Variants in ASAP2 observed in about 807,000 individuals in gnomAD.
ASAP2 encodes the protein ArfGAP with SH3 domain, ankyrin repeat and PH domain 2.
ASAP2 carries 45 observed loss-of-function variants against 131.4 expected under a neutral mutation model. The ratio of observed to expected loss-of-function variants is 0.34; its 90% CI spans 0.27 to 0.44. ASAP2 has a LOEUF of 0.44. ASAP2 is among the 20% of genes least tolerant of loss of function. The pLI is 1.00. For missense variants in ASAP2, 1,011 were observed against 1,297.0 expected (o/e 0.78, Z 3.39); for synonymous variants, 510 against 503.0 (o/e 1.01, Z -0.19).
chr2:9,216,043 C>T lies in ASAP2; in HGVS notation c.126+8813C>T, dbSNP rs118077348. ...TTCTGAGCTGGGTAGGTCCTACAAC[C>T]CAGCTCTCCTATTTGTGCCTTTCTT... On this transcript the variant is annotated intron_variant, in intron 1 of 27. Coordinates refer to ENST00000281419, the MANE Select transcript of ASAP2 (RefSeq NM_003887.3). 3.6e-4 allele frequency among the ~76,000 whole-genome samples: 55 copies of T among 152,262 alleles called. No individual in the cohort carries two copies. In the East Asian group the frequency reaches 0.01, roughly 28 times the overall value.
At chr2:9,346,781 A>G (rs1203957027) in intron 11 of ASAP2, among the ~76,000 whole-genome samples, 2 of 152,242 alleles carry the variant, frequency 1.3e-5, no homozygotes, top group Non-Finnish European at 2.9e-5. Context: ...AGCTTAAGCC[A>G]GTGAGTGGCT....
chr2:9,368,492 C>T lies in ASAP2; in HGVS notation c.1529C>T (p.Ser510Leu). 1 of 1,614,168 alleles carries T rather than the reference C, an allele frequency of 6.2e-7. No individual in the cohort carries two copies. Among genetic ancestry groups the T allele is most frequent in the Non-Finnish European group, 8.5e-7 (1 of 1,180,016 alleles). The stretch of plus-strand genomic sequence containing the variant: ...GAATGTTGCCTACCAGCTGAGGACT[C>T]AGTCAAACCCAACCCAGGCAGCGAC... Reference protein sequence around the residue: ...IMECCLPAEDSVKPNPGSDMN... With the variant: ...IMECCLPAEDLVKPNPGSDMN... Residue 510 changes from serine to leucine, a missense_variant, in exon 16 of 28, where the codon TCA becomes TTA. This residue lies in a region of ASAP2 where 652 missense variants were observed against 698.9 expected (regional missense o/e 0.93). Transcript: ENST00000281419.
At chr2:9,250,904 T>C (rs1222969707) in intron 1 of ASAP2, among the ~76,000 whole-genome samples, 1 of 152,162 alleles carries the variant, frequency 6.6e-6, no homozygotes, top group Non-Finnish European at 1.5e-5. Flanking sequence ...CGGGGCTTGC[T>C]CCCGGGGAAC....
At chr2:9,262,793 C>G (rs1665664054) in intron 1 of ASAP2, among the ~76,000 whole-genome samples, 1 of 152,204 alleles carries the variant, frequency 6.6e-6, no homozygotes, top group Non-Finnish European at 1.5e-5. Context: ...GGACAGAAGC[C>G]CCAGCACACG....
intron 1 of ASAP2, among the ~76,000 whole-genome samples, chr2:9,254,292 A>T (rs1485544029): frequency 7.6e-6 from 1 of 131,888 alleles, no homozygotes; most frequent in Non-Finnish European, 1.6e-5. Flanking sequence ...GTATATTGTT[A>T]TAATTATTCT....
intron 1 of ASAP2, among the ~76,000 whole-genome samples, chr2:9,220,275 C>G (rs945793657): frequency 6.6e-6 from 1 of 152,150 alleles, no homozygotes; most frequent in Non-Finnish European, 1.5e-5. Flanking sequence ...TTTTTAAAGT[C>G]AGTTTAACTT....
chr2:9,350,599 G>T (rs1672263615), intron 11 of ASAP2: 2 of 471,602 alleles, frequency 4.2e-6, no homozygotes, highest in African/African-American at 1.9e-5. Context: ...AGGTGCCCTT[G>T]CAGGGAGGCA....
chr2:9,247,524 G>T (rs779645491), intron 1 of ASAP2, among the ~76,000 whole-genome samples: 3 of 152,328 alleles, frequency 2.0e-5, no homozygotes, highest in Middle Eastern at 6.8e-3. Context: ...CGCTGCGTCT[G>T]TTATTATAGA....
chr2:9,270,785 A>ATTTTTTTTTTTTTTTTTTCTT (rs1666304298), intron 1 of ASAP2, among the ~76,000 whole-genome samples: 1 of 52,924 alleles, frequency 1.9e-5, no homozygotes, highest in Non-Finnish European at 3.5e-5. Context: ...AATTGTTTTC[A>ATTTTTTTTTTTTTTTTTTCTT]TTTTTTTTTT....
rs528271560 is a variant in ASAP2, at chr2:9,397,651, T to C, written c.2685-2372T>C. On this transcript the variant is annotated intron_variant, in intron 24 of 27. Coordinates refer to ENST00000281419, the MANE Select transcript of ASAP2 (RefSeq NM_003887.3). ...CACAGGCCACATCCAGCCTGCTGCCTGTTTTTTAGGGCCATGAGCTAAGAA... is the reference window on the plus strand; with the variant it reads ...CACAGGCCACATCCAGCCTGCTGCCCGTTTTTTAGGGCCATGAGCTAAGAA... Among the ~76,000 whole-genome samples the C allele has an allele frequency of 4.0e-5, 6 of 150,368 alleles. No individual in the cohort carries two copies. The South Asian group carries it at 1.3e-3, about 31-fold the overall frequency.
chr2:9,323,952 G>A (rs1231195023), intron 6 of ASAP2, among the ~76,000 whole-genome samples: 1 of 152,196 alleles, frequency 6.6e-6, no homozygotes, highest in Non-Finnish European at 1.5e-5. Context: ...TATACAAATG[G>A]CACATGGAAA....
rs533564575 is a variant in ASAP2, at chr2:9,309,936, T to TCA, written c.346-8581_346-8580dup. 3.3e-3 allele frequency among the ~76,000 whole-genome samples: 505 copies of TCA among 152,370 alleles called. 2 individuals are homozygous for TCA. Among genetic ancestry groups the TCA allele is most frequent in the Middle Eastern group, 0.02 (6 of 294 alleles). ...CACTTTCCGCTCTTCAATGCCTGCC[T>TCA]CACACACATGTTGTAGGCCGTGAGC... On this transcript the variant is annotated intron_variant, in intron 3 of 27. Coordinates refer to ENST00000281419, the MANE Select transcript of ASAP2 (RefSeq NM_003887.3).
At chr2:9,293,878 A>G (rs1667981201) in intron 2 of ASAP2, among the ~76,000 whole-genome samples, 1 of 152,182 alleles carries the variant, frequency 6.6e-6, no homozygotes, top group Non-Finnish European at 1.5e-5. Context: ...CAGTGGATGA[A>G]AGCACTGTAA....
chr2:9,264,739 C>G (rs1665823936), intron 1 of ASAP2, among the ~76,000 whole-genome samples: 1 of 152,010 alleles, frequency 6.6e-6, no homozygotes, highest in Non-Finnish European at 1.5e-5. Context: ...TACCATTGGC[C>G]CTCTGCACTT....
intron 1 of ASAP2, chr2:9,271,359 C>G (rs1321407717): frequency 8.1e-7 from 1 of 1,228,824 alleles, no homozygotes; most frequent in Non-Finnish European, 1.2e-6. Flanking sequence ...AATATATGTT[C>G]TTGCACCTGT....
At chr2:9,280,085 C>T (rs1449243588) in intron 2 of ASAP2, among the ~76,000 whole-genome samples, 9 of 152,154 alleles carry the variant, frequency 5.9e-5, no homozygotes. Context: ...CCCTGAGAGA[C>T]TGAAACAGGG....
intron 3 of ASAP2, among the ~76,000 whole-genome samples, chr2:9,317,686 T>C (rs560211773): frequency 6.8e-6 from 1 of 147,894 alleles, no homozygotes; most frequent in Admixed American, 6.7e-5. Context: ...AATCACATCC[T>C]GAAACCCTCA....
chr2:9,210,689 G>A (rs991733785), intron 1 of ASAP2, among the ~76,000 whole-genome samples: 1 of 151,898 alleles, frequency 6.6e-6, no homozygotes, highest in African/African-American at 2.4e-5. Flanking sequence ...CGAGTAGCTG[G>A]GACTACAGGT....
chr2:9,348,138 GTTTT>G (rs901971231), intron 11 of ASAP2, among the ~76,000 whole-genome samples: 5 of 150,726 alleles, frequency 3.3e-5, no homozygotes, highest in African/African-American at 7.4e-5. Flanking sequence ...TTGTTTGTTT[GTTTT>G]TTTCTTTTTG....
Sources: gnomAD v4.1 joint callset for allele counts (sites outside exome capture counted in the v4.1 genomes callset) on GRCh38, gnomAD v4.1.1 for gene constraint, gnomAD v4.1.1 regional missense constraint, MANE v1.5 for transcripts, NCBI Gene and HGNC (gene_info 2026-07-23, HGNC 2026-07-21) for gene names.